The following RAB3IL1 variants were observed in gnomAD, a reference collection of about 807,000 sequenced individuals.
RAB3IL1 encodes RAB3A interacting protein like 1.
Under a neutral mutation model 49.2 loss-of-function variants are expected in RAB3IL1, and 37 were observed. The ratio of observed to expected loss-of-function variants is 0.75; its 90% CI spans 0.58 to 0.99. The LOEUF is 0.99. Among genes scored for constraint, RAB3IL1 ranks in the 50% least tolerant of loss-of-function variants. The probability of loss-of-function intolerance (pLI) is 0.00; values close to 1 mark genes in which losing one functional copy is unlikely to be tolerated. For synonymous variants in RAB3IL1, 193 were observed against 213.9 expected (o/e 0.90, Z 0.85); for missense variants, 484 against 513.0 (o/e 0.94, Z 0.55).
At chr11:61,900,957 G>A (rs1444628178) in intron 8 of RAB3IL1, among the ~76,000 whole-genome samples, 1 of 151,970 alleles carries the variant, frequency 6.6e-6, no homozygotes, top group Non-Finnish European at 1.5e-5. Context: ...CAGGGTAGGG[G>A]CTGCAGTGGA....
the RAB3IL1 span, among the ~76,000 whole-genome samples, chr11:61,927,051 C>T: frequency 2.0e-5 from 3 of 152,098 alleles, no homozygotes; most frequent in Admixed American, 6.6e-5. Flanking sequence ...AGCATGTTGG[C>T]GAGGCTGCTC....
chr11:61,913,964 T>G (rs1413984323), intron 1 of RAB3IL1, among the ~76,000 whole-genome samples: 1 of 152,104 alleles, frequency 6.6e-6, no homozygotes, highest in Non-Finnish European at 1.5e-5. Flanking sequence ...GCAGGAAAGA[T>G]CTCCACCTGT....
chr11:61,941,426 A>G, the RAB3IL1 span, among the ~76,000 whole-genome samples: 3 of 152,208 alleles, frequency 2.0e-5, no homozygotes, highest in Non-Finnish European at 4.4e-5. Context: ...TTATCCTAAA[A>G]CTAAAGCCAG....
the RAB3IL1 span, among the ~76,000 whole-genome samples, chr11:61,931,386 G>A: frequency 1.3e-5 from 2 of 152,166 alleles, no homozygotes; most frequent in African/African-American, 4.8e-5. Flanking sequence ...CCTCCAGACA[G>A]CCCCTCTATG....
chr11:61,943,247 G>A, the RAB3IL1 span, among the ~76,000 whole-genome samples: 1 of 152,168 alleles, frequency 6.6e-6, no homozygotes. Flanking sequence ...GAAAGAATAT[G>A]CTTTTCAACA....
At chr11:61,944,184 C>CCT in the RAB3IL1 span, among the ~76,000 whole-genome samples, 1 of 148,864 alleles carries the variant, frequency 6.7e-6, no homozygotes, top group African/African-American at 2.5e-5. Context: ...ACCTCCTTCC[C>CCT]TTCCTTCCCT....
the RAB3IL1 span, among the ~76,000 whole-genome samples, chr11:61,935,597 C>T: frequency 6.6e-6 from 1 of 151,710 alleles, no homozygotes; most frequent in African/African-American, 2.4e-5. Flanking sequence ...TAACTGCAAC[C>T]CCCACCTCCC....
chr11:61,928,643 C>G, the RAB3IL1 span, among the ~76,000 whole-genome samples: 9 of 147,738 alleles, frequency 6.1e-5, no homozygotes, highest in Admixed American at 5.5e-4. Flanking sequence ...GACCCTCCAA[C>G]TACATGAAGT....
chr11:61,928,149 C>T, the RAB3IL1 span, among the ~76,000 whole-genome samples: 2 of 151,184 alleles, frequency 1.3e-5, no homozygotes, highest in Non-Finnish European at 2.9e-5. Context: ...CAGAGAGGAG[C>T]CTTCCTGCTA....
At chr11:61,943,075 G>A in the RAB3IL1 span, among the ~76,000 whole-genome samples, 6,968 of 152,236 alleles carry the variant, frequency 0.046, 491 homozygotes, top group South Asian at 0.35. Context: ...GAACAAAGTT[G>A]GAGAACTTAC....
At chr11:61,904,203 C>G (rs1473542275) in intron 7 of RAB3IL1, among the ~76,000 whole-genome samples, 2 of 152,098 alleles carry the variant, frequency 1.3e-5, no homozygotes, top group Non-Finnish European at 2.9e-5. Context: ...TCTGCTGCTC[C>G]CCTGCTCAAT....
intron 1 of RAB3IL1, among the ~76,000 whole-genome samples, chr11:61,909,273 A>T (rs1480001442): frequency 6.6e-6 from 1 of 152,130 alleles, no homozygotes; most frequent in African/African-American, 2.4e-5. Flanking sequence ...CAGAGGGGGA[A>T]GGCAAGGCCA....
chr11:61,907,628 C>A lies in RAB3IL1; in HGVS notation c.297G>T (p.Arg99=), dbSNP rs948615024. The A allele has an allele frequency of 1.8e-5, 29 of 1,613,998 alleles. No homozygotes were observed. The highest frequency in any genetic ancestry group is 2.7e-5 in the African/African-American group (2 of 74,918). The part of the protein sequence containing the change: ...ELKLKDEECE[R]LSKVREQLEQ... ...CTAGCTGCTCCCGCACCTTGGACAGCCGCTCACATTCCTCGTCCTTTAGCT... is the reference window on the plus strand; with the variant it reads ...CTAGCTGCTCCCGCACCTTGGACAGACGCTCACATTCCTCGTCCTTTAGCT... The change falls in exon 3 of 10, where the codon CGG becomes CGT. Residue 99 remains arginine (R), a synonymous_variant. Transcript: ENST00000394836.
chr11:61,940,375 A>G, the RAB3IL1 span, among the ~76,000 whole-genome samples: 135 of 151,820 alleles, frequency 8.9e-4, no homozygotes, highest in Non-Finnish European at 1.5e-3. Context: ...TGGGAGGTGG[A>G]GGTTGCGGTG....
chr11:61,925,126 G>C (rs1190428258), upstream of RAB3IL1, among the ~76,000 whole-genome samples: 2 of 152,138 alleles, frequency 1.3e-5, no homozygotes, highest in African/African-American at 2.4e-5. Flanking sequence ...GTCCTTCATT[G>C]CTTTCTGTTC....
the RAB3IL1 span, among the ~76,000 whole-genome samples, chr11:61,945,224 C>A: frequency 6.6e-6 from 1 of 152,206 alleles, no homozygotes; most frequent in Non-Finnish European, 1.5e-5. Context: ...GATGGATGAC[C>A]CTTCCTCTTC....
upstream of RAB3IL1, among the ~76,000 whole-genome samples, chr11:61,921,685 A>G (rs1022184180): frequency 2.6e-5 from 4 of 152,092 alleles, no homozygotes; most frequent in Admixed American, 6.5e-5. Context: ...CACCCTTCTC[A>G]GTGTCACCTT....
At chr11:61,923,453 T>A (rs192474155), upstream of RAB3IL1, among the ~76,000 whole-genome samples, 1 of 152,164 alleles carries the variant, frequency 6.6e-6, no homozygotes, top group South Asian at 2.1e-4. Flanking sequence ...AAGGCCACCA[T>A]CCGCCTGCCT....
At chr11:61,917,906 C>T (rs1048264882), upstream of RAB3IL1, among the ~76,000 whole-genome samples, 25 of 152,218 alleles carry the variant, frequency 1.6e-4, no homozygotes, top group Admixed American at 1.6e-3. Context: ...CCTCCTCACC[C>T]GGCCCTCCTT....
Sources: allele counts gnomAD v4.1 joint callset (sites outside exome capture counted in the v4.1 genomes callset), GRCh38; gene constraint gnomAD v4.1.1; transcripts MANE v1.5; gene names NCBI Gene and HGNC (gene_info 2026-07-23, HGNC 2026-07-21).